SCHIP1: variants seen among roughly 807,000 people sequenced by gnomAD.
SCHIP1 encodes schwannomin interacting protein 1, also known as schwannomin-interacting protein 1.
Under a neutral mutation model 29.7 loss-of-function variants are expected in SCHIP1, and 8 were observed. The ratio of observed to expected loss-of-function variants is 0.27; its 90% confidence interval spans 0.16 to 0.49. SCHIP1 has a LOEUF of 0.49. SCHIP1 is among the 20% of genes least tolerant of loss of function. The pLI is 0.99. For missense variants in SCHIP1, 193 were observed against 294.6 expected (o/e 0.66, Z 2.52); for synonymous variants, 76 against 94.9 (o/e 0.80, Z 1.16).
chr3:159,828,388 C>CAT, the SCHIP1 span, among the ~76,000 whole-genome samples: 30 of 65,378 alleles, frequency 4.6e-4, no homozygotes, highest in South Asian at 1.9e-3. Flanking sequence ...TATATATATA[C>CAT]ATATATACGT....
the SCHIP1 span, among the ~76,000 whole-genome samples, chr3:159,711,778 G>A: frequency 6.1e-4 from 93 of 152,328 alleles, no homozygotes; most frequent in Admixed American, 2.0e-3. Flanking sequence ...GGAATTAGGT[G>A]CTTACTATGT....
At chr3:159,764,169 C>T in the SCHIP1 span, 2 of 408,142 alleles carry the variant, frequency 4.9e-6, no homozygotes, top group Non-Finnish European at 8.7e-6. The surrounding 1 kb of genome is among the most constrained non-coding windows in gnomAD (Gnocchi z 6.1). Flanking sequence ...GCCGCGGGGC[C>T]CCTTGTATGA....
the SCHIP1 span, among the ~76,000 whole-genome samples, chr3:159,367,674 T>C: frequency 8.5e-5 from 13 of 152,280 alleles, no homozygotes; most frequent in East Asian, 2.5e-3. Flanking sequence ...AATTTATCCA[T>C]ACATCAGATT....
At chr3:159,877,886 A>C (rs777708780) in intron 2 of SCHIP1, among the ~76,000 whole-genome samples, 5 of 152,230 alleles carry the variant, frequency 3.3e-5, no homozygotes, top group Non-Finnish European at 5.9e-5. Context: ...TAGAGTCTGT[A>C]ATTTACTGCA....
At chr3:159,290,767 C>G in the SCHIP1 span, among the ~76,000 whole-genome samples, 1 of 152,026 alleles carries the variant, frequency 6.6e-6, no homozygotes, top group Non-Finnish European at 1.5e-5. Context: ...CATTACTATA[C>G]TGTACTTATT....
At chr3:159,823,080 G>A in the SCHIP1 span, among the ~76,000 whole-genome samples, 12 of 152,180 alleles carry the variant, frequency 7.9e-5, no homozygotes, top group East Asian at 2.3e-3. Flanking sequence ...AGAGAGGGTT[G>A]GACAGAGCCA....
At chr3:159,662,759 G>C in the SCHIP1 span, among the ~76,000 whole-genome samples, 1,098 of 152,292 alleles carry the variant, frequency 7.2e-3, 10 homozygotes, top group African/African-American at 0.025. Flanking sequence ...CCAAGATCAT[G>C]CAGCTTATAA....
chr3:159,859,650 G>T (rs1312826888), intron 1 of SCHIP1, among the ~76,000 whole-genome samples: 1 of 152,232 alleles, frequency 6.6e-6, no homozygotes, highest in East Asian at 1.9e-4. Flanking sequence ...CCTTGGCAGA[G>T]GCCAGGCTGC....
At chr3:159,599,849 A>G in the SCHIP1 span, among the ~76,000 whole-genome samples, 1 of 152,182 alleles carries the variant, frequency 6.6e-6, no homozygotes, top group African/African-American at 2.4e-5. Context: ...ATGATGGTAG[A>G]TGTCTCCTTT....
chr3:159,384,574 T>G, the SCHIP1 span, among the ~76,000 whole-genome samples: 2 of 151,304 alleles, frequency 1.3e-5, no homozygotes, highest in Non-Finnish European at 2.9e-5. Flanking sequence ...AATTCTCTTT[T>G]TTGGTTGTGT....
At chr3:159,740,771 G>GAAAAAAAAAAAAAAAAAAAAAAA in the SCHIP1 span, among the ~76,000 whole-genome samples, 3 of 104,880 alleles carry the variant, frequency 2.9e-5, no homozygotes, top group African/African-American at 3.7e-5. Flanking sequence ...CAAAAAAAAA[G>GAAAAAAAAAAAAAAAAAAAAAAA]AAAAAAAAAA....
chr3:159,839,139 T>C (rs900139063), upstream of SCHIP1, among the ~76,000 whole-genome samples: 4 of 152,116 alleles, frequency 2.6e-5, no homozygotes, highest in Non-Finnish European at 5.9e-5. Context: ...TTGTCTGACT[T>C]GTATTTCCTT....
chr3:159,636,301 G>A, the SCHIP1 span, among the ~76,000 whole-genome samples: 1 of 152,114 alleles, frequency 6.6e-6, no homozygotes, highest in African/African-American at 2.4e-5. Context: ...ACCTGCCTCG[G>A]CCTCCCAAAG....
chr3:159,873,418 G>A (rs1157997866), intron 2 of SCHIP1, among the ~76,000 whole-genome samples: 1 of 152,196 alleles, frequency 6.6e-6, no homozygotes, highest in Admixed American at 6.5e-5. Context: ...GAAGACTGGA[G>A]TTTCAACTGT....
chr3:159,302,734 A>T, the SCHIP1 span, among the ~76,000 whole-genome samples: 2 of 152,214 alleles, frequency 1.3e-5, no homozygotes, highest in Non-Finnish European at 2.9e-5. Flanking sequence ...TGCTACAAGT[A>T]AAACATTGTC....
At chr3:159,725,417 T>C in the SCHIP1 span, among the ~76,000 whole-genome samples, 466 of 152,154 alleles carry the variant, frequency 3.1e-3, 3 homozygotes, top group African/African-American at 0.011. Context: ...TACAGGCACA[T>C]GCCACTGCAC....
the SCHIP1 span, among the ~76,000 whole-genome samples, chr3:159,571,717 G>A: frequency 1.3e-5 from 2 of 152,160 alleles, no homozygotes; most frequent in Non-Finnish European, 2.9e-5. Flanking sequence ...GCTCCTCTTT[G>A]TACCTCTGGT....
intron 2 of SCHIP1, among the ~76,000 whole-genome samples, chr3:159,873,714 A>G (rs930679610): frequency 6.6e-6 from 1 of 152,348 alleles, no homozygotes; most frequent in African/African-American, 2.4e-5. Context: ...TCAGCCCTTT[A>G]CAAACTGAAA....
the SCHIP1 span, among the ~76,000 whole-genome samples, chr3:159,441,677 C>G: frequency 6.6e-6 from 1 of 152,002 alleles, no homozygotes; most frequent in Non-Finnish European, 1.5e-5. Context: ...CACACCAATA[C>G]AAAAATCTGA....
Sources: allele counts gnomAD v4.1 joint callset (sites outside exome capture counted in the v4.1 genomes callset), GRCh38; gene constraint gnomAD v4.1.1; non-coding constraint Gnocchi (gnomAD v3.1); transcripts MANE v1.5; gene names NCBI Gene and HGNC (gene_info 2026-07-23, HGNC 2026-07-21).